The following ANKRD29 variants were observed in gnomAD, a reference collection of about 807,000 sequenced individuals.
ANKRD29 encodes the protein ankyrin repeat domain 29.
In ANKRD29, 32 loss-of-function variants were observed where a neutral mutation model predicts 38.0. The ratio of observed to expected loss-of-function variants is 0.84; its 90% CI spans 0.64 to 1.13. ANKRD29 has a LOEUF of 1.13. Ranked by LOEUF, ANKRD29 falls within the 50% of genes most tolerant of loss-of-function variation. ANKRD29 has a pLI of 0.00. For missense variants in ANKRD29, 357 were observed against 377.9 expected, an observed-to-expected ratio of 0.94 and a Z score of 0.46; for synonymous variants, 135 against 152.4, an observed-to-expected ratio of 0.89 and a Z score of 0.84.
At chr18:23,619,456 T>C (rs897456922) in intron 7 of ANKRD29, 75 bp downstream of exon 7, 1 of 1,377,958 alleles carries the variant, frequency 7.3e-7, no homozygotes, top group Non-Finnish European at 9.6e-7. Context: ...GGCTGCAGAC[T>C]CAGTCAAGAC....
chr18:23,638,960 G>A lies in ANKRD29; in HGVS notation c.232-13C>T, dbSNP rs1166586590. 1.3e-6 allele frequency: 2 copies of A among 1,572,296 alleles called. No homozygotes were observed. Among genetic ancestry groups the A allele is most frequent in the Admixed American group, 3.9e-5 (2 of 51,858 alleles). On this transcript the variant is annotated splice_polypyrimidine_tract_variant and intron_variant, in intron 3 of 9. Transcript: ENST00000592179. ...CAGTTGTACCTGACTGGGAGAGAGGGAGAGGCTAGTTTTAAAAGACATTTG... is the reference window on the plus strand; with the variant it reads ...CAGTTGTACCTGACTGGGAGAGAGGAAGAGGCTAGTTTTAAAAGACATTTG...
intron 3 of ANKRD29, 34 bp from the exon 4 acceptor site, chr18:23,638,981 A>G (rs1217245758): frequency 1.3e-6 from 2 of 1,483,904 alleles, no homozygotes; most frequent in African/African-American, 2.8e-5. Flanking sequence ...TTTAAAAGAC[A>G]TTTGGTTATC....
chr18:23,607,589 A>G (rs1468242419), intron 9 of ANKRD29, among the ~76,000 whole-genome samples: 2 of 152,252 alleles, frequency 1.3e-5, no homozygotes, highest in African/African-American at 4.8e-5. Context: ...CTTTCAAATC[A>G]TGTTGTCAAG....
chr18:23,600,119 A>G lies in ANKRD29; in HGVS notation c.*1107T>C, dbSNP rs1245732149. 1.3e-5 allele frequency: 2 copies of G among 152,594 alleles called. No homozygotes were observed. Among genetic ancestry groups the G allele is most frequent in the African/African-American group, 2.4e-5 (1 of 41,458 alleles). The allele number at this position is 152,594 out of a possible 1,614,324, so 9.5% of individuals were successfully genotyped here. A position where few individuals can be genotyped will look rare whatever the true frequency, so the allele number is the denominator to read the frequency against. On this transcript the variant is annotated 3_prime_UTR_variant, in exon 10 of 10. Coordinates refer to ENST00000592179, the MANE Select transcript of ANKRD29 (RefSeq NM_173505.4). ...TGACTGAGGCATTTAGACACCATTA[A>G]TTATAAAGTGCATTGAATATAAGTT...
chr18:23,650,514 A>G (rs1598534135), intron 1 of ANKRD29, among the ~76,000 whole-genome samples: 1 of 152,214 alleles, frequency 6.6e-6, no homozygotes, highest in East Asian at 1.9e-4. Context: ...AGTGGAAAAC[A>G]GGTCTTCTAA....
chr18:23,646,677 T>C, intron 2 of ANKRD29: 1 of 160,908 alleles, frequency 6.2e-6, no homozygotes, highest in Non-Finnish European at 1.4e-5. Flanking sequence ...TGATTTTCCA[T>C]ATTTAAAAGT....
intron 1 of ANKRD29, among the ~76,000 whole-genome samples, chr18:23,657,129 A>C (rs970047271): frequency 6.6e-6 from 1 of 151,708 alleles, no homozygotes; most frequent in East Asian, 1.9e-4. Flanking sequence ...GGCAGTTGTC[A>C]CCTCCTTATC....
chr18:23,644,911 G>T (rs1175103920), intron 3 of ANKRD29, among the ~76,000 whole-genome samples: 1 of 152,122 alleles, frequency 6.6e-6, no homozygotes, highest in Non-Finnish European at 1.5e-5. Flanking sequence ...TTGCTATGTT[G>T]CCCAGGCCTA....
intron 1 of ANKRD29, among the ~76,000 whole-genome samples, chr18:23,654,618 CA>C (rs1167970950): frequency 0.12 from 5,983 of 50,486 alleles, 168 homozygotes; most frequent in East Asian, 0.22. Flanking sequence ...GACTCTGTCT[CA>C]AAAAAAAAAA....
At chr18:23,654,890 AG>A (rs2060259104) in intron 1 of ANKRD29, among the ~76,000 whole-genome samples, 1 of 152,134 alleles carries the variant, frequency 6.6e-6, no homozygotes, top group African/African-American at 2.4e-5. Flanking sequence ...AAAAGCTAAG[AG>A]GGGGTAGAAA....
At chr18:23,643,886 C>A (rs2060107791) in intron 3 of ANKRD29, among the ~76,000 whole-genome samples, 1 of 152,186 alleles carries the variant, frequency 6.6e-6, no homozygotes, top group Admixed American at 6.5e-5. Flanking sequence ...AACAATGGAT[C>A]AAGGCAGAAG....
At chr18:23,656,125 AC>A (rs1219723550) in intron 1 of ANKRD29, among the ~76,000 whole-genome samples, 2 of 151,632 alleles carry the variant, frequency 1.3e-5, no homozygotes, top group East Asian at 3.9e-4. Flanking sequence ...ATTCTAACAA[AC>A]ATGTGTCTGT....
At chr18:23,657,467 A>G (rs1438518268) in intron 1 of ANKRD29, among the ~76,000 whole-genome samples, 1 of 152,210 alleles carries the variant, frequency 6.6e-6, no homozygotes, top group Non-Finnish European at 1.5e-5. Flanking sequence ...TATAATCTAC[A>G]TACATAAAAT....
chr18:23,626,762 C>T (rs1330301550), intron 6 of ANKRD29, among the ~76,000 whole-genome samples: 2 of 152,188 alleles, frequency 1.3e-5, no homozygotes, highest in South Asian at 2.1e-4. Flanking sequence ...ATCCCACTAC[C>T]GTTCAGATTC....
At chr18:23,611,889 A>G (rs2059647016) in intron 9 of ANKRD29, among the ~76,000 whole-genome samples, 1 of 152,050 alleles carries the variant, frequency 6.6e-6, no homozygotes, top group African/African-American at 2.4e-5. Context: ...AAAACCATTG[A>G]TATGAGTCAG....
intron 9 of ANKRD29, 35 bp from the exon 10 acceptor site, chr18:23,601,344 C>T (rs1249514094): frequency 6.3e-7 from 1 of 1,592,422 alleles, no homozygotes; most frequent in Non-Finnish European, 8.6e-7. Flanking sequence ...AGTGAATCCC[C>T]ATAGCTGGTG....
intron 1 of ANKRD29, among the ~76,000 whole-genome samples, chr18:23,651,305 T>C (rs886676021): frequency 6.6e-6 from 1 of 152,180 alleles, no homozygotes; most frequent in East Asian, 1.9e-4. Context: ...TTCCTGACCG[T>C]GTAAATTTTG....
At chr18:23,636,134 T>TTTTG (rs1347464429) in intron 4 of ANKRD29, among the ~76,000 whole-genome samples, 1 of 151,664 alleles carries the variant, frequency 6.6e-6, no homozygotes, top group Admixed American at 6.6e-5. Context: ...CTGCTGTTAT[T>TTTTG]TTTGTATGTA....
chr18:23,607,626 T>C (rs969726662), intron 9 of ANKRD29, among the ~76,000 whole-genome samples: 3 of 152,232 alleles, frequency 2.0e-5, no homozygotes, highest in African/African-American at 7.2e-5. Context: ...CACCATTCTG[T>C]CTTCCATGCT....
Sources: allele counts gnomAD v4.1 joint callset (sites outside exome capture counted in the v4.1 genomes callset), GRCh38; gene constraint gnomAD v4.1.1; transcripts MANE v1.5; gene names NCBI Gene and HGNC (gene_info 2026-07-23, HGNC 2026-07-21).